The following KHNYN variants were observed in gnomAD, a reference collection of about 807,000 sequenced individuals.
KHNYN encodes KH and NYN domain containing, also known as protein KHNYN.
In KHNYN, 42 loss-of-function variants were observed where a neutral mutation model predicts 62.7. The observed-to-expected ratio is 0.67, with a 90% CI of 0.52 to 0.87. KHNYN has a LOEUF of 0.87. KHNYN is among the 40% of genes least tolerant of loss of function. The pLI is 0.00. For synonymous variants in KHNYN, 347 were observed against 345.6 expected (o/e 1.00, Z -0.04); for missense variants, 829 against 874.1 (o/e 0.95, Z 0.65).
In KHNYN at chr14:24,441,681, T is replaced by A. The variant is rs1458308472; in HGVS notation, c.*4396T>A. On this transcript the variant is annotated 3_prime_UTR_variant, in exon 8 of 8. Coordinates refer to ENST00000553935, the MANE Select transcript of KHNYN (RefSeq NM_015299.3). ...GTGATTTGGGGGGCGTACCTACACC[T>A]GTGACTAAGACCCAGGCCTTGGGGG... 6.3e-7 allele frequency: 1 copy of A among 1,583,800 alleles called. No individual in the cohort carries two copies. Among genetic ancestry groups the A allele is most frequent in the South Asian group, 1.2e-5 (1 of 86,142 alleles).
chr14:24,432,038 A>G lies in KHNYN; in HGVS notation c.777A>G (p.Gly259=). 6.2e-7 allele frequency: 1 copy of G among 1,601,648 alleles called. No individual in the cohort carries two copies. The highest frequency in any genetic ancestry group is 1.1e-5 in the South Asian group (1 of 89,610). ...RGDTYAVEKE[G]GKQGGPREMD... is the part of the protein sequence containing the mutation. ...ACACTTACGCTGTGGAGAAGGAGGG[A>G]GGGAAACAGGGTGGTCCCAGGGAGA... is the stretch of plus-strand genomic sequence containing the variant. The change falls in exon 3 of 8, where the codon GGA becomes GGG. Residue 259 remains glycine, a synonymous_variant. Coordinates refer to ENST00000553935, the MANE Select transcript of KHNYN (RefSeq NM_015299.3). The surrounding 1 kb of genome is among the most constrained non-coding windows in gnomAD (Gnocchi z 5.6).
Position 24,432,712 on chromosome 14 carries a change from C to G in KHNYN, c.1350-10C>G. 6.2e-7 allele frequency: 1 copy of G among 1,614,158 alleles called. No individual in the cohort carries two copies. Among genetic ancestry groups the G allele is most frequent in the Non-Finnish European group, 8.5e-7 (1 of 1,180,014 alleles). On this transcript the variant is annotated splice_polypyrimidine_tract_variant and intron_variant, in intron 3 of 7. Transcript: ENST00000553935. The surrounding 1 kb of genome is among the most constrained non-coding windows in gnomAD (Gnocchi z 5.6). ...AAGCCCCTCCTCTGGCCGACCCCCT[C>G]CCACTACAGGCATGGCCTCCAGCAC...
At chr14:24,436,223 T>G in intron 6 of KHNYN, 44 bp downstream of exon 6, 1 of 1,559,304 alleles carries the variant, frequency 6.4e-7, no homozygotes, top group Non-Finnish European at 8.8e-7. Context: ...GATGCAGATG[T>G]TTTTCTAAAG....
At chr14:24,436,001 CCAAA>C in intron 5 of KHNYN, 67 bp from the exon 6 acceptor site, 1 of 1,161,620 alleles carries the variant, frequency 8.6e-7, no homozygotes, top group Non-Finnish European at 1.3e-6. Flanking sequence ...TAACCATGAT[CCAAA>C]CAGTGAACAT....
chr14:24,440,687 ACT>A lies in KHNYN; in HGVS notation c.*3405_*3406del, dbSNP rs761353197. 1 of 1,485,832 alleles carries A rather than the reference ACT, an allele frequency of 6.7e-7. No homozygotes were observed. Among genetic ancestry groups the A allele is most frequent in the East Asian group, 2.3e-5 (1 of 44,058 alleles). The allele number at this position is 1,485,832 out of a possible 1,614,324, so 92.0% of individuals were successfully genotyped here. ...TGGCTAGAAGTGGTGGCATCCTCTC[ACT>A]CTGTAATTGTAATCTCAGCTCTCCT... is the stretch of plus-strand genomic sequence containing the variant. On this transcript the variant is annotated 3_prime_UTR_variant, in exon 8 of 8. Transcript: ENST00000553935.
upstream of KHNYN, chr14:24,427,680 G>A (rs980706749): frequency 5.0e-6 from 5 of 990,474 alleles, no homozygotes; most frequent in African/African-American, 4.8e-5. The surrounding 1 kb of genome is among the most constrained non-coding windows in gnomAD (Gnocchi z 4.4). Context: ...CAAAGAGGTG[G>A]GATAGGAGCC....
upstream of KHNYN, among the ~76,000 whole-genome samples, chr14:24,426,360 G>A (rs1049439769): frequency 6.6e-6 from 1 of 151,980 alleles, no homozygotes; most frequent in East Asian, 1.9e-4. Flanking sequence ...AGGGTTTTTG[G>A]TATTTTTTTT....
At position 24,440,021 on chromosome 14, in the gene KHNYN, A is replaced by C; in HGVS notation, c.*2736A>C. ...TCAGCTCTCTAGAGGAGCTGAGCCT[A>C]TTCACAGTGCCTAACCTGGAAGCCT... is the stretch of plus-strand genomic sequence containing the variant. On this transcript the variant is annotated 3_prime_UTR_variant, in exon 8 of 8. Transcript: ENST00000553935. 7.1e-7 allele frequency: 1 copy of C among 1,417,718 alleles called. No homozygotes were observed. Among genetic ancestry groups the C allele is most frequent in the East Asian group, 2.3e-5 (1 of 42,828 alleles). The allele number at this position is 1,417,718 out of a possible 1,614,324, so 87.8% of individuals were successfully genotyped here.
chr14:24,440,966 G>A lies in KHNYN; in HGVS notation c.*3681G>A. On this transcript the variant is annotated 3_prime_UTR_variant, in exon 8 of 8. Coordinates refer to ENST00000553935, the MANE Select transcript of KHNYN (RefSeq NM_015299.3). Reference sequence around the variant, plus strand: ...CAATCATTTGCCCTGGGTGTCCTTGGTCCTGCCTGGCTCTCTGTAGTGGAG... The same window carrying A: ...CAATCATTTGCCCTGGGTGTCCTTGATCCTGCCTGGCTCTCTGTAGTGGAG... 6.2e-7 allele frequency: 1 copy of A among 1,612,822 alleles called. No homozygotes were observed. The highest frequency in any genetic ancestry group is 8.5e-7 in the Non-Finnish European group (1 of 1,179,102).
Position 24,432,772 on chromosome 14 carries a change from A to G in KHNYN, c.1400A>G (p.Gln467Arg), listed in dbSNP as rs754314788. The change falls in exon 4 of 8, where the codon CAG becomes CGG. Residue 467 changes from glutamine (Q) to arginine (R), a missense_variant. Coordinates refer to ENST00000553935, the MANE Select transcript of KHNYN (RefSeq NM_015299.3). This position sits in a 1 kb window ranked among gnomAD's most constrained non-coding sequence, Gnocchi z 5.6. ...AGCCGGGGCATTGCCATTGCTGTGC[A>G]GTACTTCTGGGACCGTGGTCACCGT... ...FSSRGIAIAV[Q>R]YFWDRGHRDI... The G allele has an allele frequency of 7.4e-6, 12 of 1,614,082 alleles. No homozygotes were observed. In the East Asian group the frequency reaches 2.7e-4, roughly 36 times the overall value.
chr14:24,440,129 T>C lies in KHNYN; in HGVS notation c.*2844T>C. ...GGCAGCCCCTAGCTCTGGGAAGGAA[T>C]ACTGGTAGCCAGTGGCCAGTGTTCG... On this transcript the variant is annotated 3_prime_UTR_variant, in exon 8 of 8. Transcript: ENST00000553935. 5 of 1,612,404 alleles carry C rather than the reference T, an allele frequency of 3.1e-6. No homozygotes were observed. Among genetic ancestry groups the C allele is most frequent in the Non-Finnish European group, 4.2e-6 (5 of 1,178,790 alleles).
At chr14:24,434,190 G>A in intron 5 of KHNYN, 1 of 985,366 alleles carries the variant, frequency 1.0e-6, no homozygotes, top group Non-Finnish European at 1.2e-6. Context: ...TTTAATGAAT[G>A]TTAAAGGCAT....
In KHNYN at chr14:24,432,472, C is replaced by G; in HGVS notation, c.1211C>G (p.Ala404Gly). 1 of 1,613,616 alleles carries G rather than the reference C, an allele frequency of 6.2e-7. No individual in the cohort carries two copies. Among genetic ancestry groups the G allele is most frequent in the Non-Finnish European group, 8.5e-7 (1 of 1,179,936 alleles). ...RGRGPQWKRG[A>G]RGGNLVTGTQ... ...CGGGGGCCTCAATGGAAACGAGGCG[C>G]CCGAGGGGGCAACTTGGTGACTGGC... Residue 404 changes from alanine (A) to glycine (G), a missense_variant, in exon 3 of 8, where the codon GCC becomes GGC. Coordinates refer to ENST00000553935, the MANE Select transcript of KHNYN (RefSeq NM_015299.3). The surrounding 1 kb of genome is among the most constrained non-coding windows in gnomAD (Gnocchi z 5.6).
In KHNYN at chr14:24,431,942, C is replaced by T. The variant is rs117296295; in HGVS notation, c.681C>T (p.Pro227=). 3.3e-3 allele frequency: 5,400 copies of T among 1,613,448 alleles called. 12 individuals are homozygous for T. The highest frequency in any genetic ancestry group is 3.9e-3 in the Non-Finnish European group (4,603 of 1,179,566). The stretch of plus-strand genomic sequence containing the variant: ...CTCAGTGCCAAGGAGTGAGAGCTCC[C>T]CCTAGTGACGGCAGGGAGTCCCTGG... ...LGAQCQGVRA[P]PSDGRESLDT... The change falls in exon 3 of 8, where the codon CCC becomes CCT. Residue 227 remains proline (P), a synonymous_variant. Transcript: ENST00000553935.
In KHNYN at chr14:24,437,459, CAG is replaced by C; in HGVS notation, c.*175_*176del. The C allele has an allele frequency of 1.4e-6, 1 of 692,424 alleles. No individual in the cohort carries two copies. Among genetic ancestry groups the C allele is most frequent in the Non-Finnish European group, 2.3e-6 (1 of 427,820 alleles). The allele number at this position is 692,424 out of a possible 1,614,324, so 42.9% of individuals were successfully genotyped here. On this transcript the variant is annotated 3_prime_UTR_variant, in exon 8 of 8. Coordinates refer to ENST00000553935, the MANE Select transcript of KHNYN (RefSeq NM_015299.3). This position sits in a 1 kb window ranked among gnomAD's most constrained non-coding sequence, Gnocchi z 5.5. ...ATAAAGTGAACTGATCTTACCGAGT[CAG>C]GACCTCAGCCAGCTCTCAAGAGGTT...
chr14:24,425,433 T>C (rs1189864215), upstream of KHNYN, among the ~76,000 whole-genome samples: 1 of 152,176 alleles, frequency 6.6e-6, no homozygotes, highest in Non-Finnish European at 1.5e-5. Context: ...AGAGATGTGT[T>C]GTTTCTTCCT....
chr14:24,432,805 C>T lies in KHNYN; in HGVS notation c.1433C>T (p.Thr478Ile). The T allele has an allele frequency of 6.2e-7, 1 of 1,614,258 alleles. No individual in the cohort carries two copies. Among genetic ancestry groups the T allele is most frequent in the Non-Finnish European group, 8.5e-7 (1 of 1,180,046 alleles). ...TGGGACCGTGGTCACCGTGACATAACTGTCTTTGTGCCTCAGTGGCGCTTC... is the reference window on the plus strand; with the variant it reads ...TGGGACCGTGGTCACCGTGACATAATTGTCTTTGTGCCTCAGTGGCGCTTC... ...YFWDRGHRDITVFVPQWRFSK... is the reference protein window; with the variant it reads ...YFWDRGHRDIIVFVPQWRFSK... Residue 478 changes from threonine (T) to isoleucine (I), a missense_variant, in exon 4 of 8, where the codon ACT becomes ATT. Thr to Ile is a moderately conservative substitution (Grantham distance 89). Transcript: ENST00000553935. The surrounding 1 kb of genome is among the most constrained non-coding windows in gnomAD (Gnocchi z 5.6).
upstream of KHNYN, chr14:24,429,300 G>A: frequency 1.5e-6 from 1 of 688,488 alleles, no homozygotes; most frequent in Non-Finnish European, 2.6e-6. Flanking sequence ...GAGAAAGGAG[G>A]GATGAAGCCG....
Position 24,441,704 on chromosome 14 carries a change from G to A in KHNYN, c.*4419G>A, listed in dbSNP as rs2043345580. The A allele has an allele frequency of 1.3e-6, 2 of 1,594,516 alleles. No homozygotes were observed. Among genetic ancestry groups the A allele is most frequent in the African/African-American group, 1.4e-5 (1 of 73,440 alleles). On this transcript the variant is annotated 3_prime_UTR_variant, in exon 8 of 8. Transcript: ENST00000553935. ...CCTGTGACTAAGACCCAGGCCTTGG[G>A]GGGTTGTGGGGCTTTGGTGATGGCT...
Sources: allele counts gnomAD v4.1 joint callset (sites outside exome capture counted in the v4.1 genomes callset), GRCh38; gene constraint gnomAD v4.1.1; non-coding constraint Gnocchi (gnomAD v3.1); transcripts MANE v1.5; gene names NCBI Gene and HGNC (gene_info 2026-07-23, HGNC 2026-07-21).